ST3GAL3: variants seen among roughly 807,000 people sequenced by gnomAD.
ST3GAL3 encodes CMP-N-acetylneuraminate-beta-1,4-galactoside alpha-2,3-sialyltransferase.
In ST3GAL3, 21 loss-of-function variants were observed where a neutral mutation model predicts 50.1. The ratio of observed to expected loss-of-function variants is 0.42; its 90% CI spans 0.30 to 0.60. ST3GAL3 has a LOEUF of 0.60. Among genes scored for constraint, ST3GAL3 ranks in the 20% least tolerant of loss-of-function variants. The pLI, the probability that ST3GAL3 is intolerant of heterozygous loss-of-function variation, is 0.19. For missense variants in ST3GAL3, 353 were observed against 489.4 expected (o/e 0.72, Z 2.63); for synonymous variants, 183 against 190.0 (o/e 0.96, Z 0.30).
chr1:43,765,837 TAGG>T (rs1692702047), intron 2 of ST3GAL3, among the ~76,000 whole-genome samples: 1 of 151,682 alleles, frequency 6.6e-6, no homozygotes, highest in African/African-American at 2.4e-5. Context: ...TTTAGTGGTA[TAGG>T]AGAAGATTGA....
At chr1:43,879,806 G>A (rs1362853056) in intron 5 of ST3GAL3, among the ~76,000 whole-genome samples, 2 of 152,190 alleles carry the variant, frequency 1.3e-5, no homozygotes, top group Non-Finnish European at 2.9e-5. Context: ...CCGTGACCCT[G>A]CGTATCACTG....
intron 5 of ST3GAL3, among the ~76,000 whole-genome samples, chr1:43,887,215 T>C (rs2076110843): frequency 6.6e-6 from 1 of 152,182 alleles, no homozygotes; most frequent in Admixed American, 6.5e-5. Context: ...CAGTGCACTT[T>C]AGTGTATATG....
Position 43,930,503 on chromosome 1 carries a change from G to C in ST3GAL3, c.*282G>C. On this transcript the variant is annotated 3_prime_UTR_variant, in exon 12 of 12. Coordinates refer to ENST00000347631, the MANE Select transcript of ST3GAL3 (RefSeq NM_006279.5). ...TGGTGGGACACTGGGCAGCAAGGCT[G>C]CTGCCGGAATCACTTCTCCAATCAG... 1.8e-6 allele frequency: 1 copy of C among 552,450 alleles called. No homozygotes were observed. The highest frequency in any genetic ancestry group is 3.3e-6 in the Non-Finnish European group (1 of 306,542). 34.2% of individuals were successfully genotyped at this position (552,450 alleles called of 1,614,324 possible).
At chr1:43,725,485 G>A (rs1318608636) in intron 1 of ST3GAL3, among the ~76,000 whole-genome samples, 2 of 151,980 alleles carry the variant, frequency 1.3e-5, no homozygotes, top group Non-Finnish European at 2.9e-5. Flanking sequence ...AGCATGAGCC[G>A]CTGCGCCTGG....
intron 5 of ST3GAL3, among the ~76,000 whole-genome samples, chr1:43,867,620 A>AG (rs1256498110): frequency 4.0e-4 from 16 of 39,564 alleles, no homozygotes; most frequent in African/African-American, 1.1e-3. Context: ...GGCAGCTTGT[A>AG]AACAAATCTA....
At chr1:43,791,992 T>C in intron 2 of ST3GAL3, 110 bp from the exon 3 acceptor site, 1 of 1,321,012 alleles carries the variant, frequency 7.6e-7, no homozygotes, top group East Asian at 2.3e-5. Context: ...TTCGACTGAG[T>C]TCCCTTCCAG....
intron 4 of ST3GAL3, among the ~76,000 whole-genome samples, chr1:43,832,499 G>A (rs547208471): frequency 1.1e-4 from 17 of 152,158 alleles, no homozygotes; most frequent in Non-Finnish European, 2.2e-4. Flanking sequence ...GCCACAAAGA[G>A]CAAAGAGTCA....
intron 1 of ST3GAL3, among the ~76,000 whole-genome samples, chr1:43,718,521 GT>G (rs11420276): frequency 4.7e-5 from 7 of 150,138 alleles, no homozygotes; most frequent in African/African-American, 9.8e-5. Flanking sequence ...TCTTGCTTGA[GT>G]TTTTTTTTAT....
chr1:43,922,929 A>T (rs2083302031), intron 11 of ST3GAL3, among the ~76,000 whole-genome samples: 1 of 151,580 alleles, frequency 6.6e-6, no homozygotes, highest in African/African-American at 2.4e-5. Flanking sequence ...GTGAAACCGC[A>T]TCTCTACTAA....
intron 5 of ST3GAL3, among the ~76,000 whole-genome samples, chr1:43,870,774 G>A (rs1357826275): frequency 6.6e-6 from 1 of 152,128 alleles, no homozygotes; most frequent in African/African-American, 2.4e-5. Context: ...CATGGCCATG[G>A]AGTGAAGTGG....
chr1:43,801,515 C>T, intron 3 of ST3GAL3: 1 of 377,722 alleles, frequency 2.6e-6, no homozygotes, highest in Non-Finnish European at 5.3e-6. Flanking sequence ...ACTGCACAGC[C>T]TGGTGCTCCC....
rs762876827 is a variant in ST3GAL3 at position 43,918,728 on chromosome 1, C to CAA, written c.745-1673_745-1672dup. ...TTTTTAGAATCCATTTGATAAATCT[C>CAA]AAAACATCCTACTGAGATTTTTTTC... On this transcript the variant is annotated intron_variant, in intron 9 of 11. Transcript: ENST00000347631. 9.1e-4 allele frequency among the ~76,000 whole-genome samples: 138 copies of CAA among 152,192 alleles called. 1 individual carries two copies. The highest frequency in any genetic ancestry group is 3.4e-3 in the Middle Eastern group (1 of 294).
At chr1:43,755,404 G>GA (rs1687678963) in intron 2 of ST3GAL3, among the ~76,000 whole-genome samples, 1 of 152,196 alleles carries the variant, frequency 6.6e-6, no homozygotes, top group Admixed American at 6.5e-5. Flanking sequence ...TTTACTGGTA[G>GA]AAAAGTACAT....
At chr1:43,842,197 C>T (rs2065493059) in intron 5 of ST3GAL3, 1 of 152,210 alleles carries the variant, frequency 6.6e-6, no homozygotes, top group Non-Finnish European at 1.5e-5. Context: ...CTAAGAAGTT[C>T]CAAACTTGCT....
chr1:43,716,670 CTG>C (rs1236013577), intron 1 of ST3GAL3: 16 of 152,186 alleles, frequency 1.1e-4, no homozygotes, highest in Non-Finnish European at 2.9e-5. Flanking sequence ...ACACTCTACA[CTG>C]TGGAATTTTC....
chr1:43,817,782 T>TCCTCTCCTCCTC (rs2061574193), intron 4 of ST3GAL3, among the ~76,000 whole-genome samples: 1 of 88,256 alleles, frequency 1.1e-5, no homozygotes, highest in Non-Finnish European at 2.2e-5. Flanking sequence ...TTCTCCTCCT[T>TCCTCTCCTCCTC]CTTCTCCTCC....
At chr1:43,875,546 T>G (rs2073892360) in intron 5 of ST3GAL3, among the ~76,000 whole-genome samples, 2 of 152,040 alleles carry the variant, frequency 1.3e-5, no homozygotes, top group African/African-American at 4.8e-5. Context: ...TGGTGGGAAG[T>G]GATTGGATCA....
At chr1:43,920,669 C>T in intron 10 of ST3GAL3, 113 bp from the exon 11 acceptor site, 1 of 1,606,478 alleles carries the variant, frequency 6.2e-7, no homozygotes, top group Non-Finnish European at 8.5e-7. Context: ...GGGAAGAGGG[C>T]TCAGTCCTTG....
At chr1:43,752,992 G>A (rs141240750) in intron 2 of ST3GAL3, among the ~76,000 whole-genome samples, 27 of 152,242 alleles carry the variant, frequency 1.8e-4, no homozygotes, top group African/African-American at 6.5e-4. Context: ...CCTTGTAATT[G>A]GAAAATTAAG....
Sources: gnomAD v4.1 joint callset for allele counts (sites outside exome capture counted in the v4.1 genomes callset) on GRCh38, gnomAD v4.1.1 for gene constraint, MANE v1.5 for transcripts, NCBI Gene and HGNC (gene_info 2026-07-23, HGNC 2026-07-21) for gene names.